The following CNTN1 variants were observed in gnomAD, a reference collection of about 807,000 sequenced individuals.
CNTN1 encodes contactin 1.
A neutral mutation model predicts 126.4 loss-of-function variants in CNTN1; 38 were observed. The ratio of observed to expected loss-of-function variants is 0.30; its 90% confidence interval spans 0.23 to 0.39. The LOEUF (loss-of-function observed/expected upper bound fraction) is 0.39. Ranked by LOEUF, CNTN1 falls within the 10% of genes least tolerant of loss-of-function variation. The probability of loss-of-function intolerance (pLI) is 1.00; values close to 1 mark genes in which losing one functional copy is unlikely to be tolerated. For missense variants in CNTN1, 1,009 were observed against 1,248.4 expected (o/e 0.81, Z 2.89); for synonymous variants, 413 against 422.6 (o/e 0.98, Z 0.28).
intron 12 of CNTN1, among the ~76,000 whole-genome samples, chr12:40,941,813 A>G (rs993057446): frequency 6.6e-6 from 1 of 152,100 alleles, no homozygotes; most frequent in Non-Finnish European, 1.5e-5. Context: ...CAGCTGATCT[A>G]TATCATAGTA....
intron 1 of CNTN1, among the ~76,000 whole-genome samples, chr12:40,822,401 C>T (rs561724738): frequency 2.0e-4 from 30 of 151,734 alleles, no homozygotes; most frequent in East Asian, 9.7e-4. Context: ...GTGATCCGCT[C>T]GCCTCGGGCT....
chr12:41,057,490 A>G (rs890822058), intron 23 of CNTN1, among the ~76,000 whole-genome samples: 1 of 151,984 alleles, frequency 6.6e-6, no homozygotes, highest in Non-Finnish European at 1.5e-5. Flanking sequence ...GATATGTATT[A>G]AAAAATCAAC....
intron 14 of CNTN1, among the ~76,000 whole-genome samples, chr12:40,948,905 C>A (rs1946538655): frequency 6.6e-6 from 1 of 152,166 alleles, no homozygotes; most frequent in African/African-American, 2.4e-5. Flanking sequence ...AAGTTCCTGG[C>A]AATTCCTAAT....
intron 1 of CNTN1, among the ~76,000 whole-genome samples, chr12:40,786,028 A>G (rs1565733423): frequency 1.3e-5 from 2 of 152,188 alleles, no homozygotes; most frequent in African/African-American, 2.4e-5. Flanking sequence ...TATCACGCAC[A>G]TTGTGTCTTA....
Position 40,877,988 on chromosome 12 carries a change from CTTTTTTTTTTTTT to C in CNTN1, c.-76-30355_-76-30343del, listed in dbSNP as rs199626249. Among the ~76,000 whole-genome samples the C allele has an allele frequency of 2.1e-4, 23 of 109,350 alleles. No homozygotes were observed. The East Asian group carries it at 6.0e-3, about 29-fold the overall frequency. 71.7% of individuals were successfully genotyped at this position (109,350 alleles called of 152,430 possible). A position where few individuals can be genotyped will look rare whatever the true frequency, so the allele number is the denominator to read the frequency against. On this transcript the variant is annotated intron_variant, in intron 1 of 23. Transcript: ENST00000551295. ...TCCCCACCAAAGAAACAGTTTTTTCCTTTTTTTTTTTTTTTTTTTTTTTTTTGAGATAGAGTTT... is the reference window on the plus strand; with the variant it reads ...TCCCCACCAAAGAAACAGTTTTTTCCTTTTTTTTTTTTTGAGATAGAGTTT...
intron 1 of CNTN1, among the ~76,000 whole-genome samples, chr12:40,816,334 T>A (rs1941254752): frequency 6.6e-6 from 1 of 152,202 alleles, no homozygotes; most frequent in African/African-American, 2.4e-5. Context: ...CAGAGCTTGT[T>A]ATTGGTCTAT....
intron 1 of CNTN1, among the ~76,000 whole-genome samples, chr12:40,850,874 T>C (rs575144468): frequency 1.3e-5 from 2 of 152,336 alleles, no homozygotes; most frequent in East Asian, 3.9e-4. Context: ...TTCTTTTTCA[T>C]TTTGAAATTT....
chr12:40,799,946 T>C (rs1940583283), intron 1 of CNTN1, among the ~76,000 whole-genome samples: 1 of 152,046 alleles, frequency 6.6e-6, no homozygotes, highest in Admixed American at 6.6e-5. Flanking sequence ...GCGTACAATA[T>C]GACATTAAAG....
At chr12:40,794,569 C>T (rs1444850742) in intron 1 of CNTN1, among the ~76,000 whole-genome samples, 1 of 151,716 alleles carries the variant, frequency 6.6e-6, no homozygotes, top group Non-Finnish European at 1.5e-5. Context: ...ATTAAATATC[C>T]TATTTATTAA....
At chr12:40,834,474 G>A (rs893949481) in intron 1 of CNTN1, among the ~76,000 whole-genome samples, 2 of 152,156 alleles carry the variant, frequency 1.3e-5, no homozygotes, top group African/African-American at 4.8e-5. Flanking sequence ...CAGCAAGGTA[G>A]GTGGCTGGGA....
chr12:40,781,855 G>C (rs1041043855), intron 1 of CNTN1, among the ~76,000 whole-genome samples: 2 of 151,868 alleles, frequency 1.3e-5, no homozygotes, highest in African/African-American at 4.8e-5. Context: ...TTCTGCATCT[G>C]ATCTCATATT....
At chr12:40,813,043 CTTTCTTTCTTTCTTT>C (rs1941131050) in intron 1 of CNTN1, among the ~76,000 whole-genome samples, 2 of 61,332 alleles carry the variant, frequency 3.3e-5, no homozygotes, top group African/African-American at 8.3e-5. Context: ...TCTTTCCTTT[CTTTCTTTCTTTCTTT>C]CTTCCTTCCT....
chr12:40,950,732 A>G (rs1946642606), intron 14 of CNTN1, among the ~76,000 whole-genome samples: 1 of 152,054 alleles, frequency 6.6e-6, no homozygotes, highest in African/African-American at 2.4e-5. Context: ...TTTATTTGCT[A>G]TTTACCAGTG....
intron 1 of CNTN1, among the ~76,000 whole-genome samples, chr12:40,841,650 T>C (rs1325903994): frequency 2.6e-5 from 4 of 151,188 alleles, no homozygotes; most frequent in African/African-American, 9.7e-5. Context: ...GGTGATACAT[T>C]ACATTAATGG....
chr12:40,773,676 CATATATATATATATATACACAT>C (rs1939453083), intron 1 of CNTN1, among the ~76,000 whole-genome samples: 2 of 11,478 alleles, frequency 1.7e-4, no homozygotes, highest in African/African-American at 3.2e-4. Context: ...TATATATACA[CATATATATATATATATACACAT>C]ATATATATAT....
At chr12:41,030,372 C>A (rs191072837) in intron 23 of CNTN1, among the ~76,000 whole-genome samples, 1 of 151,860 alleles carries the variant, frequency 6.6e-6, no homozygotes, top group African/African-American at 2.4e-5. Flanking sequence ...ACATCCTTTA[C>A]AAATCAAAAT....
chr12:41,018,401 A>G (rs913256477), intron 19 of CNTN1, among the ~76,000 whole-genome samples: 1 of 152,066 alleles, frequency 6.6e-6, no homozygotes, highest in African/African-American at 2.4e-5. Flanking sequence ...ATTCTCACGT[A>G]TATTCATCGG....
chr12:40,826,699 A>T (rs966816692), intron 1 of CNTN1, among the ~76,000 whole-genome samples: 2 of 152,228 alleles, frequency 1.3e-5, no homozygotes, highest in Non-Finnish European at 2.9e-5. Flanking sequence ...GAAAATGACC[A>T]TGATGACACC....
chr12:40,970,187 C>A (rs1188824043), intron 15 of CNTN1, among the ~76,000 whole-genome samples: 2 of 152,032 alleles, frequency 1.3e-5, no homozygotes, highest in Non-Finnish European at 2.9e-5. Context: ...GGAAATGGCA[C>A]CCCTCTCTGG....
Sources: allele counts gnomAD v4.1 joint callset (sites outside exome capture counted in the v4.1 genomes callset), GRCh38; gene constraint gnomAD v4.1.1; transcripts MANE v1.5; gene names NCBI Gene and HGNC (gene_info 2026-07-23, HGNC 2026-07-21).